Variants in ASAP1 observed in about 807,000 individuals in gnomAD.
ASAP1 encodes the protein ArfGAP with SH3 domain, ankyrin repeat and PH domain 1, also known as arf-GAP with SH3 domain, ANK repeat and PH domain-containing protein 1.
ASAP1 carries 43 observed loss-of-function variants against 145.2 expected under a neutral mutation model. The observed-to-expected ratio is 0.30, with a 90% CI of 0.23 to 0.38. The LOEUF (loss-of-function observed/expected upper bound fraction) is 0.38. ASAP1 is among the 10% of genes least tolerant of loss of function. The pLI is 1.00. For synonymous variants in ASAP1, 546 were observed against 515.5 expected, an observed-to-expected ratio of 1.06 and a Z score of -0.80; for missense variants, 1,018 against 1,355.3, an observed-to-expected ratio of 0.75 and a Z score of 3.91.
chr8:130,398,705 C>T lies in ASAP1; in HGVS notation c.59+3180G>A, dbSNP rs530030757. Among the ~76,000 whole-genome samples, 14 of 152,300 alleles carry T rather than the reference C, an allele frequency of 9.2e-5. No individual in the cohort carries two copies. In the East Asian group the frequency reaches 2.7e-3, roughly 29 times the overall value. On this transcript the variant is annotated intron_variant, in intron 2 of 29. Coordinates refer to ENST00000518721, the MANE Select transcript of ASAP1 (RefSeq NM_018482.4). ...TTCCAAGTGCTTTAGCTTAACTCAA[C>T]TAGTGCTCAAAACAACCCTTGTAAG...
intron 8 of ASAP1, among the ~76,000 whole-genome samples, chr8:130,179,694 C>T (rs930038895): frequency 2.0e-5 from 3 of 152,000 alleles, no homozygotes; most frequent in East Asian, 1.9e-4. Flanking sequence ...GCAGAAAGTA[C>T]GCAGAATAGC....
intron 5 of ASAP1, among the ~76,000 whole-genome samples, chr8:130,208,211 C>CA (rs1816350729): frequency 2.0e-5 from 3 of 152,066 alleles, no homozygotes; most frequent in Admixed American, 2.0e-4. Flanking sequence ...ATTATCAAAA[C>CA]GAAAAAACAG....
In ASAP1 at chr8:130,307,837, G is replaced by A. The variant is rs527647091; in HGVS notation, c.186+50180C>T. Among the ~76,000 whole-genome samples the A allele has an allele frequency of 2.0e-5, 3 of 152,258 alleles. No homozygotes were observed. In the East Asian group the frequency reaches 5.8e-4, roughly 29 times the overall value. ...GCGGAGCTTGAAATCAGGAATTTCT[G>A]GCTCCAAATTTCTTACTCCTTCTAC... On this transcript the variant is annotated intron_variant, in intron 3 of 29. Transcript: ENST00000518721.
intron 3 of ASAP1, among the ~76,000 whole-genome samples, chr8:130,327,409 T>C (rs994518296): frequency 1.3e-5 from 2 of 152,160 alleles, no homozygotes; most frequent in African/African-American, 4.8e-5. Context: ...GACCTTGTTA[T>C]GGTGTGATAG....
chr8:130,191,278 G>C (rs750723607), intron 5 of ASAP1, among the ~76,000 whole-genome samples: 6 of 152,150 alleles, frequency 3.9e-5, no homozygotes, highest in Non-Finnish European at 5.9e-5. Flanking sequence ...GAGACCCCAA[G>C]TAATCTTGGT....
intron 26 of ASAP1, among the ~76,000 whole-genome samples, chr8:130,079,526 ATC>A (rs2135309447): frequency 6.6e-6 from 1 of 152,338 alleles, no homozygotes; most frequent in East Asian, 1.9e-4. Context: ...TCATTTCCAA[ATC>A]TGCAAAAGGA....
chr8:130,355,081 C>T (rs533732235), intron 3 of ASAP1, among the ~76,000 whole-genome samples: 213 of 152,188 alleles, frequency 1.4e-3, no homozygotes, highest in African/African-American at 5.1e-3. Flanking sequence ...GTTTCCCTAT[C>T]TTGGCCAGGC....
At chr8:130,236,089 C>T (rs12681954) in intron 4 of ASAP1, among the ~76,000 whole-genome samples, 27,522 of 152,094 alleles carry the variant, frequency 0.18, 3,153 homozygotes, top group East Asian at 0.44. Context: ...CGAAAGCCCA[C>T]ATCTGTCCAA....
At chr8:130,295,953 C>T (rs1046085611) in intron 3 of ASAP1, among the ~76,000 whole-genome samples, 2 of 152,174 alleles carry the variant, frequency 1.3e-5, no homozygotes, top group African/African-American at 4.8e-5. Flanking sequence ...TCTCAAAGCC[C>T]CTTCCTTTTA....
chr8:130,078,045 A>G (rs2135294584), intron 26 of ASAP1, among the ~76,000 whole-genome samples: 1 of 150,462 alleles, frequency 6.6e-6, no homozygotes, highest in South Asian at 2.1e-4. Context: ...GCTGGAGTGC[A>G]GTGGCGTGAT....
At chr8:130,233,144 A>G (rs765721905) in intron 4 of ASAP1, among the ~76,000 whole-genome samples, 3 of 152,190 alleles carry the variant, frequency 2.0e-5, no homozygotes, top group Non-Finnish European at 2.9e-5. Flanking sequence ...GTTTGTCCCT[A>G]TATTTCTGAG....
At chr8:130,344,638 G>A (rs1388893961) in intron 3 of ASAP1, among the ~76,000 whole-genome samples, 9 of 152,246 alleles carry the variant, frequency 5.9e-5, no homozygotes. Flanking sequence ...TTGGGAGGCT[G>A]AAGCGAGATC....
intron 3 of ASAP1, among the ~76,000 whole-genome samples, chr8:130,263,663 T>C (rs1485733538): frequency 2.0e-5 from 3 of 152,182 alleles, no homozygotes; most frequent in Admixed American, 6.5e-5. Context: ...TGAGTATTAT[T>C]AACCTCTGCA....
chr8:130,331,285 C>G (rs1304525311), intron 3 of ASAP1, among the ~76,000 whole-genome samples: 1 of 152,168 alleles, frequency 6.6e-6, no homozygotes, highest in Non-Finnish European at 1.5e-5. Context: ...TCATCTTGCT[C>G]TTAGATCCAT....
At chr8:130,060,457 G>T in intron 28 of ASAP1, 122 bp downstream of exon 28, 1 of 1,311,858 alleles carries the variant, frequency 7.6e-7, no homozygotes, top group South Asian at 1.5e-5. Context: ...TTGAACCAGA[G>T]CACATAAGGG....
At chr8:130,091,576 A>G (rs570029683) in intron 25 of ASAP1, among the ~76,000 whole-genome samples, 1 of 152,342 alleles carries the variant, frequency 6.6e-6, no homozygotes, top group African/African-American at 2.4e-5. Flanking sequence ...AAATCTCAAA[A>G]GGGTGTTAAG....
At position 130,115,448 on chromosome 8, in the gene ASAP1, CT is replaced by C. The variant is rs2097553771; in HGVS notation, c.2172+179del. On this transcript the variant is annotated intron_variant, in intron 23 of 29. Coordinates refer to ENST00000518721, the MANE Select transcript of ASAP1 (RefSeq NM_018482.4). Reference sequence around the variant, plus strand: ...TCCCTATCCTGTTGGCTCTGTTTCTCTGGACAACCTTAATATAGCTGTTAAA... The same window carrying C: ...TCCCTATCCTGTTGGCTCTGTTTCTCGGACAACCTTAATATAGCTGTTAAA... 5.3e-6 allele frequency: 3 copies of C among 568,902 alleles called. No individual in the cohort carries two copies. The South Asian group carries it at 7.2e-5, about 14-fold the overall frequency. 35.2% of individuals were successfully genotyped at this position (568,902 alleles called of 1,614,324 possible). A position where few individuals can be genotyped will look rare whatever the true frequency, so the allele number is the denominator to read the frequency against.
At chr8:130,396,188 T>G (rs1295063923) in intron 2 of ASAP1, among the ~76,000 whole-genome samples, 2 of 152,258 alleles carry the variant, frequency 1.3e-5, no homozygotes, top group Non-Finnish European at 2.9e-5. Context: ...CCATGTTTTT[T>G]ATCTCTACTA....
In ASAP1 at chr8:130,066,984, A is replaced by C. The variant is rs2097432238; in HGVS notation, c.2702-5915T>G. ...TGAGTTGGCCTGGCTCACTCTGCCA[A>C]AGCCTCCTTATCTTTCCAAGCTGAC... On this transcript the variant is annotated intron_variant, in intron 27 of 29. Coordinates refer to ENST00000518721, the MANE Select transcript of ASAP1 (RefSeq NM_018482.4). Among the ~76,000 whole-genome samples, 3 of 152,258 alleles carry C rather than the reference A, an allele frequency of 2.0e-5. No homozygotes were observed. The South Asian group carries it at 6.2e-4, about 32-fold the overall frequency.
Sources: gnomAD v4.1 joint callset for allele counts (sites outside exome capture counted in the v4.1 genomes callset) on GRCh38, gnomAD v4.1.1 for gene constraint, MANE v1.5 for transcripts, NCBI Gene and HGNC (gene_info 2026-07-23, HGNC 2026-07-21) for gene names.